Variants in KRT78 observed in about 807,000 individuals in gnomAD.
The protein encoded by KRT78 is keratin, type II cytoskeletal 78.
KRT78 carries 55 observed loss-of-function variants against 51.4 expected under a neutral mutation model. That is an observed-to-expected ratio of 1.07 (90% CI 0.86 to 1.34). The LOEUF is 1.34. Among genes scored for constraint, KRT78 ranks in the 40% most tolerant of loss-of-function variants. KRT78 has a pLI of 0.00. For synonymous variants in KRT78, 291 were observed against 264.3 expected, an observed-to-expected ratio of 1.10 and a Z score of -0.98; for missense variants, 652 against 649.4, an observed-to-expected ratio of 1.00 and a Z score of -0.04.
At position 52,838,093 on chromosome 12, in the gene KRT78, G is replaced by T. The variant is rs750363472; in HGVS notation, c.*1020C>A. 6.6e-6 allele frequency: 1 copy of T among 152,154 alleles called. No individual in the cohort carries two copies. Among genetic ancestry groups the T allele is most frequent in the African/African-American group, 2.4e-5 (1 of 41,410 alleles). The allele number at this position is 152,154 out of a possible 1,614,324, so 9.4% of individuals were successfully genotyped here. ...GAGCGATTCATGAATCTGAGGAAAGGTCTGCCCTCCCTCTAAAGCAAGGAG... is the reference window on the plus strand; with the variant it reads ...GAGCGATTCATGAATCTGAGGAAAGTTCTGCCCTCCCTCTAAAGCAAGGAG... On this transcript the variant is annotated 3_prime_UTR_variant, in exon 9 of 9. Transcript: ENST00000304620.
chr12:52,848,373 C>A, intron 1 of KRT78, 174 bp downstream of exon 1: 2 of 1,403,516 alleles, frequency 1.4e-6, no homozygotes, highest in Non-Finnish European at 1.9e-6. Context: ...CATGGAACAA[C>A]AGGGCCTCAG....
At position 52,846,305 on chromosome 12, in the gene KRT78, GGA is replaced by G; in HGVS notation, c.661-15_661-14del. On this transcript the variant is annotated splice_polypyrimidine_tract_variant and intron_variant, in intron 3 of 8. Coordinates refer to ENST00000304620, the MANE Select transcript of KRT78 (RefSeq NM_173352.4). ...CCCCATCCACATCCTGGAGACAAGG[GGA>G]GAGAGAACACGTAACCCCCTCTTCC... 2 of 1,564,716 alleles carry G rather than the reference GGA, an allele frequency of 1.3e-6. No individual in the cohort carries two copies. Among genetic ancestry groups the G allele is most frequent in the Non-Finnish European group, 1.8e-6 (2 of 1,135,284 alleles).
At chr12:52,845,726 C>T (rs572938279) in intron 4 of KRT78, among the ~76,000 whole-genome samples, 87 of 152,258 alleles carry the variant, frequency 5.7e-4, no homozygotes, top group Non-Finnish European at 1.1e-3. Context: ...GAGGCCGAGG[C>T]GGGTGGATCA....
In KRT78 at chr12:52,838,744, A is replaced by G. The variant is rs1940402994; in HGVS notation, c.*369T>C. The G allele has an allele frequency of 3.8e-6, 1 of 265,254 alleles. No individual in the cohort carries two copies. Among genetic ancestry groups the G allele is most frequent in the Non-Finnish European group, 7.2e-6 (1 of 139,272 alleles). The allele number at this position is 265,254 out of a possible 1,614,324, so 16.4% of individuals were successfully genotyped here. On this transcript the variant is annotated 3_prime_UTR_variant, in exon 9 of 9. Transcript: ENST00000304620. Reference sequence around the variant, plus strand: ...GAGGAAGTGAGCTACAAGCACAGCTAAAACATCAGTGGAGTTGTGGGAGAT... The same window carrying G: ...GAGGAAGTGAGCTACAAGCACAGCTGAAACATCAGTGGAGTTGTGGGAGAT...
intron 6 of KRT78, among the ~76,000 whole-genome samples, chr12:52,840,692 C>T (rs1266057629): frequency 1.3e-5 from 2 of 151,844 alleles, no homozygotes; most frequent in African/African-American, 4.8e-5. Flanking sequence ...GGCAACAGAG[C>T]AAGACTCCAT....
Position 52,846,287 on chromosome 12 carries a change from C to T in KRT78, c.666G>A (p.Val222=), listed in dbSNP as rs200847408. 6.2e-7 allele frequency: 1 copy of T among 1,609,146 alleles called. No individual in the cohort carries two copies. The highest frequency in any genetic ancestry group is 1.3e-5 in the African/African-American group (1 of 74,822). The change falls in exon 4 of 9, where the codon GTG becomes GTA. Residue 222 remains valine (V), a synonymous_variant. Transcript: ENST00000304620. The part of the protein sequence containing the change: ...ENDFVVLKKD[V]DGVFLSKMEL... ...CCATCTTGCTCAGGAAAACCCCATC[C>T]ACATCCTGGAGACAAGGGGAGAGAG...
intron 6 of KRT78, among the ~76,000 whole-genome samples, chr12:52,842,618 G>C (rs1467892481): frequency 6.6e-6 from 1 of 152,032 alleles, no homozygotes; most frequent in African/African-American, 2.4e-5. Flanking sequence ...CAAAAGAAGA[G>C]ATAAGAAAAG....
rs750078502 is a variant in KRT78 at position 52,839,471 on chromosome 12, T to G, written c.1285A>C (p.Thr429Pro). ...GEECRMSGEC[T>P]SQVTISSVGG... is the part of the protein sequence containing the mutation. Reference sequence around the variant, plus strand: ...TACTCACAGATAGTGACCTGGCTGGTGCACTCCCCAGACATCCTAGGGGGA... The same window carrying G: ...TACTCACAGATAGTGACCTGGCTGGGGCACTCCCCAGACATCCTAGGGGGA... The change falls in exon 8 of 9, where the codon ACC becomes CCC. Residue 429 changes from threonine (T) to proline (P), a missense_variant. Physicochemically the swap from Thr to Pro is conservative, Grantham distance 38. Transcript: ENST00000304620. The G allele has an allele frequency of 2.5e-6, 4 of 1,603,582 alleles. No homozygotes were observed. In the South Asian group the frequency reaches 4.5e-5, roughly 18 times the overall value.
Position 52,846,241 on chromosome 12 carries a change from C to A in KRT78, c.712G>T (p.Ala238Ser). The A allele has an allele frequency of 1.2e-6, 2 of 1,613,772 alleles. No homozygotes were observed. The highest frequency in any genetic ancestry group is 1.7e-6 in the Non-Finnish European group (2 of 1,179,934). Residue 238 changes from alanine (A) to serine (S), a missense_variant, in exon 4 of 9, where the codon GCT becomes TCT. Transcript: ENST00000304620. ...AAGAAGTAGAGGTACTCTCTCAGAG[C>A]CTCCAGCTTGCCCTCCAACTCCATC... ...SKMELEGKLEALREYLYFLKH... is the reference protein window; with the variant it reads ...SKMELEGKLESLREYLYFLKH...
chr12:52,846,464 G>C (rs1279396412), intron 3 of KRT78, among the ~76,000 whole-genome samples, 172 bp from the exon 4 acceptor site: 1 of 151,878 alleles, frequency 6.6e-6, no homozygotes, highest in African/African-American at 2.4e-5. Flanking sequence ...GCCCAACATT[G>C]ACCCAACATC....
intron 4 of KRT78, among the ~76,000 whole-genome samples, chr12:52,845,844 C>T (rs983551906): frequency 4.0e-5 from 6 of 151,804 alleles, no homozygotes; most frequent in African/African-American, 1.5e-4. Context: ...ATCCCACCTA[C>T]TTGGGAAGCT....
At chr12:52,840,277 C>T (rs1940462745) in intron 6 of KRT78, among the ~76,000 whole-genome samples, 1 of 152,032 alleles carries the variant, frequency 6.6e-6, no homozygotes, top group Non-Finnish European at 1.5e-5. Context: ...AGGGTCTTTA[C>T]AGATATAATT....
intron 6 of KRT78, among the ~76,000 whole-genome samples, chr12:52,842,616 G>T (rs1940523478): frequency 6.6e-6 from 1 of 152,064 alleles, no homozygotes; most frequent in Non-Finnish European, 1.5e-5. Flanking sequence ...GTCAAAAGAA[G>T]AGATAAGAAA....
At chr12:52,845,685 G>T (rs1940623458) in intron 4 of KRT78, among the ~76,000 whole-genome samples, 1 of 152,204 alleles carries the variant, frequency 6.6e-6, no homozygotes, top group African/African-American at 2.4e-5. Context: ...GTCGGGCGTG[G>T]TGGCTCATGC....
rs372077586 is a variant in KRT78, at chr12:52,839,220, G to C, written c.1456C>G (p.Pro486Ala). The change falls in exon 9 of 9, where the codon CCT becomes GCT. Residue 486 changes from proline to alanine, a missense_variant. Coordinates refer to ENST00000304620, the MANE Select transcript of KRT78 (RefSeq NM_173352.4). ...SNIILGSGKDPVLDSCSVSGS... is the reference protein window; with the variant it reads ...SNIILGSGKDAVLDSCSVSGS... The stretch of plus-strand genomic sequence containing the variant: ...GACACAGAGCAGGAATCCAAAACAG[G>C]GTCCTTCCCAGAGCCCAGAATGATG... 3 of 1,612,190 alleles carry C rather than the reference G, an allele frequency of 1.9e-6. No homozygotes were observed. Among genetic ancestry groups the C allele is most frequent in the Non-Finnish European group, 2.5e-6 (3 of 1,179,420 alleles).
chr12:52,839,343 C>CAGA lies in KRT78; in HGVS notation c.1330_1332dup (p.Ser444dup). The CAGA allele has an allele frequency of 6.2e-7, 1 of 1,614,008 alleles. No individual in the cohort carries two copies. The highest frequency in any genetic ancestry group is 1.1e-5 in the South Asian group (1 of 91,040). The stretch of plus-strand genomic sequence containing the variant: ...CTCCCCAAGCCTCCACCAACTCCTC[C>CAGA]AGACATGACAGCGCTGCCTCCCACC... On this transcript the variant is annotated inframe_insertion, in exon 9 of 9. Transcript: ENST00000304620.
chr12:52,848,905 T>A lies in KRT78; in HGVS notation c.26A>T (p.Gln9Leu). 3.2e-6 allele frequency: 5 copies of A among 1,577,572 alleles called. No homozygotes were observed. Among genetic ancestry groups the A allele is most frequent in the Non-Finnish European group, 4.3e-6 (5 of 1,163,326 alleles). ...GGCTGAGCGAGCGCTGAAGCCCCTC[T>A]GGGCCCGGCATGGGGAGAGAGACAT... MSLSPCRA[Q>L]RGFSARSACS... Residue 9 changes from glutamine to leucine, a missense_variant, in exon 1 of 9, where the codon CAG becomes CTG. By Grantham distance (113) the Gln-to-Leu change is moderately radical. Transcript: ENST00000304620.
Position 52,848,563 on chromosome 12 carries a change from G to A in KRT78, c.368C>T (p.Ala123Val), listed in dbSNP as rs759913728. ...GACCCTCACCTTGTCAATGAAGGAAGCAAACTGGTTGTTGAGGGTTCTGAT... is the reference window on the plus strand; with the variant it reads ...GACCCTCACCTTGTCAATGAAGGAAACAAACTGGTTGTTGAGGGTTCTGAT... The part of the protein sequence containing the change: ...QEIRTLNNQF[A>V]SFIDKVRFLE... Residue 123 changes from alanine to valine, a missense_variant, in exon 1 of 9, where the codon GCT becomes GTT. Physicochemically the swap from Ala to Val is moderately conservative, Grantham distance 64. Transcript: ENST00000304620. 1.2e-6 allele frequency: 2 copies of A among 1,613,948 alleles called. No homozygotes were observed. The highest frequency in any genetic ancestry group is 2.7e-5 in the African/African-American group (2 of 74,906).
At chr12:52,839,659 T>A (rs904114089) in intron 7 of KRT78, 105 bp downstream of exon 7, 7 of 1,327,876 alleles carry the variant, frequency 5.3e-6, no homozygotes, top group Non-Finnish European at 6.4e-6. Context: ...CAACTCACAA[T>A]GTCAGGAAAT....
Sources: gnomAD v4.1 joint callset for allele counts (sites outside exome capture counted in the v4.1 genomes callset) on GRCh38, gnomAD v4.1.1 for gene constraint, MANE v1.5 for transcripts, NCBI Gene and HGNC (gene_info 2026-07-23, HGNC 2026-07-21) for gene names.